Variants in COG6 observed in about 807,000 individuals in gnomAD.
COG6 encodes conserved oligomeric Golgi complex subunit 6.
COG6 carries 74 observed loss-of-function variants against 88.8 expected under a neutral mutation model. That is an observed-to-expected ratio of 0.83 (90% CI 0.69 to 1.01). The LOEUF is 1.01. Ranked by LOEUF, COG6 falls within the 50% of genes least tolerant of loss-of-function variation. COG6 has a pLI of 0.00. For synonymous variants in COG6, 286 were observed against 278.7 expected (o/e 1.03, Z -0.26); for missense variants, 800 against 797.9 (o/e 1.00, Z -0.03).
chr13:39,770,881 C>T (rs1384924256), intron 18 of COG6, among the ~76,000 whole-genome samples: 5 of 152,142 alleles, frequency 3.3e-5, no homozygotes, highest in Admixed American at 3.3e-4. Flanking sequence ...CTCTTTATTG[C>T]CAAGAGGTTT....
intron 18 of COG6, among the ~76,000 whole-genome samples, chr13:39,730,773 C>CAAAAAAAAAAAAAAAAAAAAAAAAAAA (rs569292449): frequency 2.0e-4 from 8 of 39,468 alleles, no homozygotes; most frequent in Admixed American, 8.2e-4. Context: ...GACTCCATCT[C>CAAAAAAAAAAAAAAAAAAAAAAAAAAA]AAAAAAAAAA....
At chr13:39,709,769 A>G (rs1247569077) in intron 13 of COG6, among the ~76,000 whole-genome samples, 1 of 152,068 alleles carries the variant, frequency 6.6e-6, no homozygotes, top group Non-Finnish European at 1.5e-5. Flanking sequence ...CACACACCAC[A>G]TTTTCTTTAT....
rs151184339 is a variant in COG6, at chr13:39,739,321, AT to A, written c.1827-11622del. 2.0e-3 allele frequency among the ~76,000 whole-genome samples: 307 copies of A among 152,122 alleles called. 9 individuals carry two copies. The East Asian group carries it at 0.058, about 29-fold the overall frequency. On this transcript the variant is annotated intron_variant, in intron 18 of 18. Coordinates refer to ENST00000455146, the MANE Select transcript of COG6 (RefSeq NM_020751.3). ...TTAACATACAAGAGTGTCAGTTTAG[AT>A]TTCAAAAAAAAGCAAACCGCAGTTC...
At chr13:39,696,837 A>G (rs893103356) in intron 12 of COG6, among the ~76,000 whole-genome samples, 1 of 151,240 alleles carries the variant, frequency 6.6e-6, no homozygotes, top group African/African-American at 2.4e-5. Flanking sequence ...GAAGATATTT[A>G]GAAAGCAGTT....
intron 18 of COG6, among the ~76,000 whole-genome samples, chr13:39,765,755 G>T (rs1308120496): frequency 6.6e-6 from 1 of 152,090 alleles, no homozygotes; most frequent in Non-Finnish European, 1.5e-5. Flanking sequence ...TCTGAGTTTG[G>T]TTTATATCCA....
intron 11 of COG6, 144 bp downstream of exon 11, chr13:39,689,968 A>G (rs923305622): frequency 1.2e-5 from 6 of 504,612 alleles, no homozygotes; most frequent in African/African-American, 1.9e-5. Context: ...AATAAGAAAC[A>G]TTTTAAAATA....
intron 13 of COG6, among the ~76,000 whole-genome samples, chr13:39,706,962 G>A (rs1400339156): frequency 6.6e-6 from 1 of 152,008 alleles, no homozygotes; most frequent in Non-Finnish European, 1.5e-5. Context: ...GATATTACAG[G>A]CATGAGCCAC....
rs1876879116 is a variant in COG6 at position 39,689,832 on chromosome 13, A to C, written c.1074+8A>C. 1.9e-6 allele frequency: 3 copies of C among 1,599,480 alleles called. No individual in the cohort carries two copies. Among genetic ancestry groups the C allele is most frequent in the Non-Finnish European group, 2.6e-6 (3 of 1,168,094 alleles). Reference sequence around the variant, plus strand: ...GTGTGCAGGCCTCTAAAGGTAAAATATTTTGTTTTTACATATGCTATATGG... The same window carrying C: ...GTGTGCAGGCCTCTAAAGGTAAAATCTTTTGTTTTTACATATGCTATATGG... On this transcript the variant is annotated splice_region_variant and intron_variant, in intron 11 of 18. Coordinates refer to ENST00000455146, the MANE Select transcript of COG6 (RefSeq NM_020751.3).
chr13:39,706,261 A>ATATATACTCCTT (rs1877911660), intron 13 of COG6, among the ~76,000 whole-genome samples: 2 of 137,668 alleles, frequency 1.5e-5, no homozygotes, highest in Admixed American at 7.3e-5. Context: ...TCCTTTATAT[A>ATATATACTCCTT]TATATATATA....
chr13:39,735,156 G>A (rs1879667206), intron 18 of COG6, among the ~76,000 whole-genome samples: 1 of 151,210 alleles, frequency 6.6e-6, no homozygotes, highest in Non-Finnish European at 1.5e-5. Flanking sequence ...CTTTCTTGTT[G>A]TTCTGTGATT....
In COG6 at chr13:39,773,459, A is replaced by G. The variant is rs574318850; in HGVS notation, c.1827-14876A>G. ...ACAGGCAGGGACACCATAATTCTCA[A>G]TTATTAGAAGCTGCGTATGTTTTAC... On this transcript the variant is annotated intron_variant, in intron 18 of 18. Transcript: ENST00000416691. Among the ~76,000 whole-genome samples, 17 of 152,204 alleles carry G rather than the reference A, an allele frequency of 1.1e-4. No individual in the cohort carries two copies. In the South Asian group the frequency reaches 1.9e-3, roughly 17 times the overall value.
intron 18 of COG6, among the ~76,000 whole-genome samples, chr13:39,748,889 TCTTTC>T (rs1880478325): frequency 6.6e-6 from 1 of 152,312 alleles, no homozygotes; most frequent in East Asian, 1.9e-4. Flanking sequence ...TAAGTGGACT[TCTTTC>T]CTTATTCCAT....
At chr13:39,673,893 G>T (rs370057128) in intron 4 of COG6, among the ~76,000 whole-genome samples, 18 of 151,754 alleles carry the variant, frequency 1.2e-4, no homozygotes, top group African/African-American at 4.1e-4. Context: ...ATTTTTGGAA[G>T]TGTCCTGAAA....
At chr13:39,713,435 T>G (rs532932496) in intron 13 of COG6, among the ~76,000 whole-genome samples, 3 of 151,888 alleles carry the variant, frequency 2.0e-5, no homozygotes, top group Non-Finnish European at 4.4e-5. Context: ...TGGAGGGACT[T>G]CAAAAGAAAT....
intron 18 of COG6, among the ~76,000 whole-genome samples, chr13:39,746,278 A>G (rs1044833896): frequency 2.0e-5 from 3 of 151,804 alleles, no homozygotes; most frequent in African/African-American, 7.3e-5. Flanking sequence ...GTCTTTTTGC[A>G]TATCTTTTGG....
At chr13:39,691,811 C>G (rs1482907528) in intron 11 of COG6, among the ~76,000 whole-genome samples, 2 of 151,830 alleles carry the variant, frequency 1.3e-5, no homozygotes, top group Non-Finnish European at 2.9e-5. Flanking sequence ...GATCAATCTG[C>G]TCTTGTAATC....
intron 13 of COG6, among the ~76,000 whole-genome samples, chr13:39,703,700 T>G (rs935101699): frequency 3.9e-5 from 6 of 152,178 alleles, no homozygotes; most frequent in South Asian, 2.1e-4. Flanking sequence ...AATGATAGAT[T>G]GTTTAATACA....
chr13:39,767,842 A>T (rs1881212065), intron 18 of COG6, among the ~76,000 whole-genome samples: 1 of 152,212 alleles, frequency 6.6e-6, no homozygotes, highest in Admixed American at 6.5e-5. Context: ...AGCCATGCCA[A>T]GGTGAGCTAG....
intron 18 of COG6, among the ~76,000 whole-genome samples, chr13:39,735,771 T>G (rs886519983): frequency 1.6e-4 from 25 of 151,520 alleles, no homozygotes; most frequent in African/African-American, 6.1e-4. Flanking sequence ...TAAGATCTTT[T>G]CACTGGATAT....
Sources: gnomAD v4.1 joint callset for allele counts (sites outside exome capture counted in the v4.1 genomes callset) on GRCh38, gnomAD v4.1.1 for gene constraint, MANE v1.5 for transcripts, NCBI Gene and HGNC (gene_info 2026-07-23, HGNC 2026-07-21) for gene names.